ADGRA1: variants seen among roughly 807,000 people sequenced by gnomAD.
ADGRA1 encodes G-protein coupled receptor 123.
Under a neutral mutation model 21.3 loss-of-function variants are expected in ADGRA1, and 12 were observed. The ratio of observed to expected loss-of-function variants is 0.56; its 90% CI spans 0.36 to 0.91. The LOEUF is 0.91. ADGRA1 is among the 40% of genes least tolerant of loss of function. The probability of loss-of-function intolerance (pLI) is 0.01; values close to 1 mark genes in which losing one functional copy is unlikely to be tolerated. For missense variants in ADGRA1, 790 were observed against 805.6 expected (o/e 0.98, Z 0.23); for synonymous variants, 385 against 368.8 (o/e 1.04, Z -0.50).
intron 5 of ADGRA1, among the ~76,000 whole-genome samples, chr10:133,112,536 G>A (rs1222697158): frequency 1.3e-4 from 20 of 149,310 alleles, no homozygotes; most frequent in Admixed American, 4.0e-4. Context: ...TGCAGGCCGC[G>A]TCGGTTATTT....
intron 6 of ADGRA1, 147 bp from the exon 7 acceptor site, chr10:133,128,182 G>A (rs1852419299): frequency 1.6e-5 from 9 of 578,374 alleles, no homozygotes; most frequent in African/African-American, 4.0e-5. Flanking sequence ...CACTCTCAGC[G>A]ACTCTAGAAA....
intron 5 of ADGRA1, among the ~76,000 whole-genome samples, chr10:133,112,398 C>T (rs138450312): frequency 0.15 from 15,440 of 106,260 alleles, 1,614 homozygotes; most frequent in East Asian, 0.47. Context: ...GTCTACGGGC[C>T]GCGTCCGTTA....
At position 133,097,112 on chromosome 10, in the gene ADGRA1, C is replaced by T; in HGVS notation, c.131+11C>T. On this transcript the variant is annotated intron_variant, in intron 3 of 6. Transcript: ENST00000392607. ...CATCGTGCACCAGAGGTGAGCCTGG[C>T]ATGGGCAAGGGCGCCCCCTGTGCCC... is the stretch of plus-strand genomic sequence containing the variant. 6.2e-7 allele frequency: 1 copy of T among 1,603,776 alleles called. No homozygotes were observed. Among genetic ancestry groups the T allele is most frequent in the Non-Finnish European group, 8.5e-7 (1 of 1,179,918 alleles).
In ADGRA1 at chr10:133,098,734, C is replaced by T. The variant is rs773377283; in HGVS notation, c.226C>T (p.Arg76Cys). The change falls in exon 4 of 7, where the codon CGC becomes TGC. Residue 76 changes from arginine (R) to cysteine (C), a missense_variant. This residue lies in a region of ADGRA1 where 382 missense variants were observed against 415.6 expected (regional missense o/e 0.92). Transcript: ENST00000392607. ...CACTGTGTTCGCCGGCGGCATCAAT[C>T]GCACCAAGTACCCCATCCTGTGCCA... The part of the protein sequence containing the change: ...TFTVFAGGIN[R>C]TKYPILCQAV... 4 of 1,611,816 alleles carry T rather than the reference C, an allele frequency of 2.5e-6. No homozygotes were observed. Among genetic ancestry groups the T allele is most frequent in the Non-Finnish European group, 3.4e-6 (4 of 1,179,968 alleles).
chr10:133,091,900 G>A lies in ADGRA1; in HGVS notation c.3+2988G>A, dbSNP rs556617476. Among the ~76,000 whole-genome samples, 3 of 152,308 alleles carry A rather than the reference G, an allele frequency of 2.0e-5. No individual in the cohort carries two copies. The East Asian group carries it at 5.8e-4, about 29-fold the overall frequency. ...AGGTCAAGGCCAGCCTCCTGGCGGTGCCCCCAGGAAGGGGAGTCTCGGAGG... is the reference window on the plus strand; with the variant it reads ...AGGTCAAGGCCAGCCTCCTGGCGGTACCCCCAGGAAGGGGAGTCTCGGAGG... On this transcript the variant is annotated intron_variant, in intron 2 of 6. Coordinates refer to ENST00000392607, the MANE Select transcript of ADGRA1 (RefSeq NM_001083909.3).
intron 5 of ADGRA1, among the ~76,000 whole-genome samples, chr10:133,104,075 G>A (rs765785098): frequency 4.6e-5 from 7 of 152,356 alleles, no homozygotes; most frequent in South Asian, 2.1e-4. Context: ...AGGGCTGTCC[G>A]GCACTGTCCC....
intron 5 of ADGRA1, among the ~76,000 whole-genome samples, chr10:133,121,151 C>T (rs1021487084): frequency 6.6e-6 from 1 of 152,212 alleles, no homozygotes; most frequent in Admixed American, 6.5e-5. Flanking sequence ...TCACTGATCA[C>T]AGCTCCCCAT....
intron 2 of ADGRA1, chr10:133,093,243 T>G: frequency 6.3e-7 from 1 of 1,587,550 alleles, no homozygotes; most frequent in Non-Finnish European, 8.5e-7. Context: ...TTCCCACCTC[T>G]CACTGCTGCA....
chr10:133,101,110 G>C (rs984562972), intron 4 of ADGRA1, among the ~76,000 whole-genome samples: 5 of 152,234 alleles, frequency 3.3e-5, no homozygotes, highest in African/African-American at 9.6e-5. Flanking sequence ...AGCCACTACC[G>C]GCTGGAGGAA....
At chr10:133,119,843 G>A (rs1262497039) in intron 5 of ADGRA1, among the ~76,000 whole-genome samples, 2 of 152,220 alleles carry the variant, frequency 1.3e-5, no homozygotes, top group Non-Finnish European at 1.5e-5. Context: ...AGCAAACCAT[G>A]CTGTCAACAG....
intron 5 of ADGRA1, among the ~76,000 whole-genome samples, chr10:133,103,784 G>A (rs61862099): frequency 0.016 from 2,406 of 152,368 alleles, 24 homozygotes; most frequent in South Asian, 0.048. Context: ...GGGAGCTCCA[G>A]CGCCTTTGGT....
intron 5 of ADGRA1, among the ~76,000 whole-genome samples, chr10:133,110,614 G>A (rs999642449): frequency 4.6e-5 from 7 of 152,066 alleles, no homozygotes; most frequent in African/African-American, 1.7e-4. Flanking sequence ...AAGAAAGCCT[G>A]AGAGAGAGAG....
chr10:133,121,452 T>C (rs947043987), intron 5 of ADGRA1, among the ~76,000 whole-genome samples: 16 of 147,384 alleles, frequency 1.1e-4, no homozygotes, highest in Admixed American at 4.7e-4. Context: ...TGCGTGTGCG[T>C]GGAGTGTGTC....
intron 5 of ADGRA1, among the ~76,000 whole-genome samples, chr10:133,105,850 G>A (rs935142100): frequency 2.6e-5 from 4 of 152,198 alleles, no homozygotes; most frequent in Non-Finnish European, 5.9e-5. Flanking sequence ...CGGCCCGAAC[G>A]TTCCAGCTGC....
chr10:133,098,622 T>A lies in ADGRA1; in HGVS notation c.132-18T>A, dbSNP rs762172823. The A allele has an allele frequency of 6.9e-6, 11 of 1,603,148 alleles. No individual in the cohort carries two copies. Among genetic ancestry groups the A allele is most frequent in the Non-Finnish European group, 8.5e-6 (10 of 1,178,166 alleles). ...CAGAGCCTCTGCTCATGTGAAACCC[T>A]CCTTTCCCGTCCCACAGCGCCATCC... On this transcript the variant is annotated intron_variant, in intron 3 of 6. Coordinates refer to ENST00000392607, the MANE Select transcript of ADGRA1 (RefSeq NM_001083909.3).
At position 133,091,927 on chromosome 10, in the gene ADGRA1, C is replaced by T. The variant is rs535885538; in HGVS notation, c.3+3015C>T. On this transcript the variant is annotated intron_variant, in intron 2 of 6. Coordinates refer to ENST00000392607, the MANE Select transcript of ADGRA1 (RefSeq NM_001083909.3). ...CCCCAGGAAGGGGAGTCTCGGAGGC[C>T]GAGAGTGAGGAGGAGCCTGCAGCTG... Among the ~76,000 whole-genome samples the T allele has an allele frequency of 1.3e-4, 20 of 152,278 alleles. No homozygotes were observed. The East Asian group carries it at 2.3e-3, about 18-fold the overall frequency.
At chr10:133,099,395 C>T (rs1424178948) in intron 4 of ADGRA1, among the ~76,000 whole-genome samples, 1 of 152,174 alleles carries the variant, frequency 6.6e-6, no homozygotes, top group African/African-American at 2.4e-5. Context: ...AGGGCAAGCT[C>T]GTCCTTTGCA....
intron 2 of ADGRA1, among the ~76,000 whole-genome samples, chr10:133,093,651 C>T (rs929916957): frequency 2.0e-5 from 3 of 152,214 alleles, no homozygotes; most frequent in Non-Finnish European, 4.4e-5. Context: ...AAGGTCGGGG[C>T]CACCTTCATC....
intron 1 of ADGRA1, chr10:133,088,367 C>T: frequency 6.4e-6 from 1 of 156,812 alleles, no homozygotes; most frequent in Non-Finnish European, 1.4e-5. Context: ...CGGGCTGGGG[C>T]GGGCGGGTCA....
Sources: allele counts gnomAD v4.1 joint callset (sites outside exome capture counted in the v4.1 genomes callset), GRCh38; gene constraint gnomAD v4.1.1; regional missense constraint gnomAD v4.1.1; transcripts MANE v1.5; gene names NCBI Gene and HGNC (gene_info 2026-07-23, HGNC 2026-07-21).